PARD3B: variants seen among roughly 807,000 people sequenced by gnomAD.
PARD3B encodes the protein par-3 family cell polarity regulator beta.
A neutral mutation model predicts 130.2 loss-of-function variants in PARD3B; 103 were observed. The observed-to-expected ratio is 0.79, with a 90% CI of 0.67 to 0.93. The LOEUF (loss-of-function observed/expected upper bound fraction) is 0.93, where lower values mean the gene tolerates loss of function less well. Ranked by LOEUF, PARD3B falls within the 40% of genes least tolerant of loss-of-function variation. PARD3B has a pLI of 0.00. For synonymous variants in PARD3B, 583 were observed against 553.2 expected, an observed-to-expected ratio of 1.05 and a Z score of -0.76; for missense variants, 1,609 against 1,499.2, an observed-to-expected ratio of 1.07 and a Z score of -1.21.
intron 2 of PARD3B, among the ~76,000 whole-genome samples, chr2:204,717,083 C>T (rs925279102): frequency 2.6e-5 from 4 of 152,094 alleles, no homozygotes; most frequent in African/African-American, 7.2e-5. Context: ...GGACTGTGCA[C>T]CTCATTCCCT....
chr2:204,700,888 T>G (rs1276732321), intron 2 of PARD3B, among the ~76,000 whole-genome samples: 1 of 152,044 alleles, frequency 6.6e-6, no homozygotes, highest in Non-Finnish European at 1.5e-5. Flanking sequence ...AACCCAACAC[T>G]ACTAAAAAAG....
At chr2:205,233,674 TA>T (rs1174227782) in intron 15 of PARD3B, among the ~76,000 whole-genome samples, 2 of 152,094 alleles carry the variant, frequency 1.3e-5, no homozygotes, top group East Asian at 1.9e-4. Context: ...ATAGTATAAG[TA>T]AAAAATGTGT....
chr2:205,322,931 T>G (rs2042803597), intron 18 of PARD3B, among the ~76,000 whole-genome samples: 1 of 119,184 alleles, frequency 8.4e-6, no homozygotes, highest in African/African-American at 3.5e-5. Flanking sequence ...TTTTTTTTTT[T>G]GATGGAGTCT....
At chr2:205,340,479 G>A (rs1387792925) in intron 18 of PARD3B, among the ~76,000 whole-genome samples, 1 of 151,898 alleles carries the variant, frequency 6.6e-6, no homozygotes, top group Non-Finnish European at 1.5e-5. Flanking sequence ...TTCAACAACG[G>A]CATCAATATA....
chr2:204,812,321 A>G (rs2042992557), intron 2 of PARD3B, among the ~76,000 whole-genome samples: 1 of 152,158 alleles, frequency 6.6e-6, no homozygotes, highest in African/African-American at 2.4e-5. Flanking sequence ...TCCCCAGAGG[A>G]AAGAATTCAT....
chr2:204,702,633 G>C (rs1166138017), intron 2 of PARD3B, among the ~76,000 whole-genome samples: 1 of 152,026 alleles, frequency 6.6e-6, no homozygotes, highest in Non-Finnish European at 1.5e-5. Flanking sequence ...GGAATACAGT[G>C]GCAGGATCTC....
At position 205,149,066 on chromosome 2, in the gene PARD3B, C is replaced by T. The variant is rs553284861; in HGVS notation, c.1435-9656C>T. On this transcript the variant is annotated intron_variant, in intron 10 of 22. Transcript: ENST00000406610. ...GTGAATCAGGCACTGCTTTGCAGTA[C>T]AAGACATTTGTGATTCCAGAGATGG... is the stretch of plus-strand genomic sequence containing the variant. Among the ~76,000 whole-genome samples the T allele has an allele frequency of 5.9e-5, 9 of 152,254 alleles. No homozygotes were observed. The South Asian group carries it at 1.2e-3, about 21-fold the overall frequency.
At chr2:205,488,445 G>C (rs1046024178) in intron 20 of PARD3B, among the ~76,000 whole-genome samples, 1 of 152,220 alleles carries the variant, frequency 6.6e-6, no homozygotes, top group African/African-American at 2.4e-5. Flanking sequence ...TAAGCTCACC[G>C]GTTTCTAATA....
chr2:204,925,024 A>C (rs1459546712), intron 2 of PARD3B, among the ~76,000 whole-genome samples: 1 of 152,090 alleles, frequency 6.6e-6, no homozygotes, highest in African/African-American at 2.4e-5. Context: ...TGATATACAT[A>C]TATATCAGGT....
Position 205,615,592 on chromosome 2 carries a change from A to G in PARD3B, c.3397A>G (p.Arg1133Gly). The G allele has an allele frequency of 6.2e-7, 1 of 1,614,084 alleles. No individual in the cohort carries two copies. Among genetic ancestry groups the G allele is most frequent in the Admixed American group, 1.7e-5 (1 of 60,026 alleles). The change falls in exon 23 of 23, where the codon AGG becomes GGG. Residue 1133 changes from arginine to glycine, a missense_variant. Transcript: ENST00000406610. ...KGSYPRPTEL[R>G]VADLRYPQHY... ...GAGCTATCCCCGCCCCACAGAGCTC[A>G]GGGTGGCAGATCTCCGGTATCCTCA...
chr2:204,684,373 A>G (rs922173293), intron 1 of PARD3B, among the ~76,000 whole-genome samples: 2 of 152,220 alleles, frequency 1.3e-5, no homozygotes, highest in Admixed American at 6.5e-5. Context: ...AAAAAACTCA[A>G]TGGAAGTTTA....
chr2:204,708,603 G>A (rs932344028), intron 2 of PARD3B, among the ~76,000 whole-genome samples: 1 of 152,104 alleles, frequency 6.6e-6, no homozygotes, highest in African/African-American at 2.4e-5. Context: ...GTACTTGTAA[G>A]AACTTTATAT....
At chr2:204,722,924 T>A (rs1169060612) in intron 2 of PARD3B, among the ~76,000 whole-genome samples, 1 of 152,142 alleles carries the variant, frequency 6.6e-6, no homozygotes, top group East Asian at 1.9e-4. Flanking sequence ...CAAGGCCAGC[T>A]GGCAAAAATT....
At chr2:205,042,642 G>A (rs1234140933) in intron 3 of PARD3B, among the ~76,000 whole-genome samples, 1 of 151,864 alleles carries the variant, frequency 6.6e-6, no homozygotes, top group Non-Finnish European at 1.5e-5. Context: ...TCTAGCCTCT[G>A]GTGTATGTTT....
chr2:204,594,556 A>G (rs1313590477), intron 1 of PARD3B, among the ~76,000 whole-genome samples: 2 of 152,180 alleles, frequency 1.3e-5, no homozygotes, highest in African/African-American at 4.8e-5. Context: ...GCCAGACTGT[A>G]TCCATGCCAT....
At chr2:205,283,649 T>C (rs2041276151) in intron 16 of PARD3B, among the ~76,000 whole-genome samples, 1 of 152,208 alleles carries the variant, frequency 6.6e-6, no homozygotes, top group Non-Finnish European at 1.5e-5. Flanking sequence ...TGATCAGTAT[T>C]CTATATCACA....
At chr2:204,855,072 G>A (rs1416036551) in intron 2 of PARD3B, among the ~76,000 whole-genome samples, 4 of 152,070 alleles carry the variant, frequency 2.6e-5, no homozygotes, top group Non-Finnish European at 5.9e-5. Flanking sequence ...TGCAAGGAAG[G>A]CTGGTGTCAA....
chr2:205,457,675 A>G (rs1475159194), intron 20 of PARD3B, among the ~76,000 whole-genome samples: 2 of 151,902 alleles, frequency 1.3e-5, no homozygotes, highest in Non-Finnish European at 2.9e-5. Flanking sequence ...TATTTTCTCT[A>G]GGTATGTAAT....
chr2:205,528,902 A>T (rs2051457413), intron 21 of PARD3B, among the ~76,000 whole-genome samples: 1 of 152,196 alleles, frequency 6.6e-6, no homozygotes, highest in South Asian at 2.1e-4. Flanking sequence ...TGGCTACCTA[A>T]CATGCTGGCA....
Sources: allele counts gnomAD v4.1 joint callset (sites outside exome capture counted in the v4.1 genomes callset), GRCh38; gene constraint gnomAD v4.1.1; transcripts MANE v1.5; gene names NCBI Gene and HGNC (gene_info 2026-07-23, HGNC 2026-07-21).